The following YIPF6 variants were observed in gnomAD, a reference collection of about 807,000 sequenced individuals.
The protein encoded by YIPF6 is Yip1 domain family member 6.
A neutral mutation model predicts 16.8 loss-of-function variants in YIPF6; 3 were observed. The observed-to-expected ratio is 0.18, with a 90% CI of 0.08 to 0.46. YIPF6 has a LOEUF of 0.46. Among genes scored for constraint, YIPF6 ranks in the 20% least tolerant of loss-of-function variants. The pLI is 0.98. For missense variants in YIPF6, 145 were observed against 184.9 expected, an observed-to-expected ratio of 0.78 and a Z score of 1.25; for synonymous variants, 67 against 61.9, an observed-to-expected ratio of 1.08 and a Z score of -0.38.
chrX:68,511,720 A>C (rs1007023562), intron 1 of YIPF6, 129 bp from the exon 2 acceptor site: 1 of 690,210 alleles, frequency 1.4e-6, no homozygotes, highest in African/African-American at 2.2e-5. Flanking sequence ...ATGTCTGTTG[A>C]GCTAACACCT....
At chrX:68,502,612 G>A (rs951638405) in intron 1 of YIPF6, among the ~76,000 whole-genome samples, 2 of 110,919 alleles carry the variant, frequency 1.8e-5, no homozygotes, top group Non-Finnish European at 3.8e-5. Flanking sequence ...ATTCAGTTTG[G>A]GACATGTTTA....
intron 2 of YIPF6, among the ~76,000 whole-genome samples, chrX:68,512,444 T>TC (rs1255709718): frequency 9.1e-6 from 1 of 110,055 alleles, no homozygotes; most frequent in African/African-American, 3.4e-5. Context: ...AGAGCAAGAC[T>TC]CCATCTCAAA....
intron 1 of YIPF6, chrX:68,510,619 ATTTTTTGTAT>A (rs1185119584): frequency 9.5e-6 from 1 of 104,942 alleles, no homozygotes; most frequent in African/African-American, 3.5e-5. Flanking sequence ...TTATTTGTTT[ATTTTTTGTAT>A]TTTTTTGTAT....
At chrX:68,531,019 A>G (rs2079168967) in intron 6 of YIPF6, among the ~76,000 whole-genome samples, 3 of 109,494 alleles carry the variant, frequency 2.7e-5, no homozygotes, top group South Asian at 4.0e-4. Context: ...GCAGCCTTGA[A>G]CTCTTGGCTT....
At chrX:68,501,074 C>T (rs1013934785) in intron 1 of YIPF6, among the ~76,000 whole-genome samples, 3 of 112,014 alleles carry the variant, frequency 2.7e-5, no homozygotes, top group Non-Finnish European at 5.6e-5. Context: ...ATGCAATCCG[C>T]TTCCATTCAA....
chrX:68,514,473 A>G (rs955517320), intron 3 of YIPF6: 2 of 111,595 alleles, frequency 1.8e-5, no homozygotes, highest in Non-Finnish European at 1.9e-5. Context: ...CAATGGCACA[A>G]TCTCAGCTTA....
At chrX:68,531,821 A>G (rs1003559381) in intron 6 of YIPF6, 60 bp from the exon 7 acceptor site, 3 of 789,399 alleles carry the variant, frequency 3.8e-6, no homozygotes, top group African/African-American at 2.1e-5. Flanking sequence ...GTAAATGTTA[A>G]TAGTTGTGAC....
intron 4 of YIPF6, 121 bp downstream of exon 4, chrX:68,518,933 A>G: frequency 9.2e-6 from 6 of 651,623 alleles, no homozygotes; most frequent in Non-Finnish European, 1.1e-5. Context: ...CATGTTGTAC[A>G]TGTTATACTC....
chrX:68,523,870 C>T, intron 6 of YIPF6, among the ~76,000 whole-genome samples: 1 of 112,010 alleles, frequency 8.9e-6, no homozygotes, highest in African/African-American at 3.2e-5. Context: ...CACTGAGAAT[C>T]TCATAATTAC....
At chrX:68,530,777 C>A (rs1431809618) in intron 6 of YIPF6, among the ~76,000 whole-genome samples, 4 of 111,139 alleles carry the variant, frequency 3.6e-5, no homozygotes, top group Non-Finnish European at 7.5e-5. Flanking sequence ...TGCTTCAGCT[C>A]ACCCCCCGTG....
In YIPF6 at chrX:68,533,654, G is replaced by A; in HGVS notation, c.*1655G>A. 9.0e-6 allele frequency: 1 copy of A among 111,457 alleles called. No homozygotes were observed. The highest frequency in any genetic ancestry group is 3.2e-5 in the African/African-American group (1 of 30,783). 9.2% of individuals were successfully genotyped at this position (111,457 alleles called of 1,213,427 possible). On this transcript the variant is annotated 3_prime_UTR_variant, in exon 7 of 7. Transcript: ENST00000462683. ...GTCCCCTTGGTTCCAGCCTTGTCCA[G>A]AGTTTTTGGTTATATATTTCTATTT...
At position 68,519,642 on chromosome X, in the gene YIPF6, C is replaced by T. The variant is rs559607242; in HGVS notation, c.308+830C>T. On this transcript the variant is annotated intron_variant, in intron 4 of 6. Transcript: ENST00000462683. The stretch of plus-strand genomic sequence containing the variant: ...TACCTCTAGGGTTCATTACACATCT[C>T]TTCCCACCTGGTCACTCTGGGTCGC... Among the ~76,000 whole-genome samples, 259 of 110,145 alleles carry T rather than the reference C, an allele frequency of 2.4e-3. 4 individuals carry two copies. Among genetic ancestry groups the T allele is most frequent in the African/African-American group, 8.2e-3 (249 of 30,306 alleles).
rs1408314249 is a variant in YIPF6 at position 68,536,135 on chromosome X, TCA to T, written c.*4143_*4144del. The T allele has an allele frequency of 8.9e-6, 1 of 111,745 alleles. No homozygotes were observed. The highest frequency in any genetic ancestry group is 2.8e-4 in the East Asian group (1 of 3,584). 9.2% of individuals were successfully genotyped at this position (111,745 alleles called of 1,213,427 possible). A position where few individuals can be genotyped will look rare whatever the true frequency, so the allele number is the denominator to read the frequency against. Reference sequence around the variant, plus strand: ...TACAATTCAGTGGTTTTTAGTATATTCACACACAAAATTGCACAACTATCACT... The same window carrying T: ...TACAATTCAGTGGTTTTTAGTATATTCACACAAAATTGCACAACTATCACT... On this transcript the variant is annotated 3_prime_UTR_variant, in exon 7 of 7. Coordinates refer to ENST00000462683, the MANE Select transcript of YIPF6 (RefSeq NM_173834.4).
In YIPF6 at chrX:68,535,729, A is replaced by AT. The variant is rs960446404; in HGVS notation, c.*3737dup. ...CTTACTGTGTGCCAGGCACTATTCT[A>AT]TTTTTTTAAGAATTTTTAAAATAAC... On this transcript the variant is annotated 3_prime_UTR_variant, in exon 7 of 7. Coordinates refer to ENST00000462683, the MANE Select transcript of YIPF6 (RefSeq NM_173834.4). 3 of 111,476 alleles carry AT rather than the reference A, an allele frequency of 2.7e-5. No individual in the cohort carries two copies. The highest frequency in any genetic ancestry group is 2.8e-4 in the East Asian group (1 of 3,550). The allele number at this position is 111,476 out of a possible 1,213,427, so 9.2% of individuals were successfully genotyped here.
chrX:68,499,269 C>A, intron 1 of YIPF6, 146 bp downstream of exon 1: 1 of 748,375 alleles, frequency 1.3e-6, no homozygotes, highest in Non-Finnish European at 1.9e-6. Flanking sequence ...CCAGTCCCAA[C>A]ACTGCACCTG....
intron 4 of YIPF6, 47 bp from the exon 5 acceptor site, chrX:68,521,325 C>T: frequency 8.4e-7 from 1 of 1,188,146 alleles, no homozygotes; most frequent in Non-Finnish European, 1.1e-6. Context: ...AACTTTGTTG[C>T]CCTAAGTAAA....
At chrX:68,528,303 A>G (rs752028458) in intron 6 of YIPF6, among the ~76,000 whole-genome samples, 2 of 109,858 alleles carry the variant, frequency 1.8e-5, no homozygotes, top group South Asian at 7.7e-4. Context: ...TAGGATTGCA[A>G]CCCCTACTTT....
In YIPF6 at chrX:68,532,114, T is replaced by C; in HGVS notation, c.*115T>C. ...TCTAATTTTGGAGGTATTTGATAAC[T>C]GAGTAGGTGAGGAGATTAAAAGGGA... On this transcript the variant is annotated 3_prime_UTR_variant, in exon 7 of 7. Transcript: ENST00000462683. The C allele has an allele frequency of 1.9e-6, 1 of 535,344 alleles. No homozygotes were observed. The highest frequency in any genetic ancestry group is 3.2e-5 in the South Asian group (1 of 31,344). The allele number at this position is 535,344 out of a possible 1,213,427, so 44.1% of individuals were successfully genotyped here. A position where few individuals can be genotyped will look rare whatever the true frequency, so the allele number is the denominator to read the frequency against.
chrX:68,502,051 G>A (rs2079042930), intron 1 of YIPF6, among the ~76,000 whole-genome samples: 1 of 112,138 alleles, frequency 8.9e-6, no homozygotes, highest in African/African-American at 3.2e-5. Context: ...ATATAATAAT[G>A]CAATGTGTTA....
Sources: allele counts gnomAD v4.1 joint callset (sites outside exome capture counted in the v4.1 genomes callset), GRCh38; gene constraint gnomAD v4.1.1; transcripts MANE v1.5; gene names NCBI Gene and HGNC (gene_info 2026-07-23, HGNC 2026-07-21).